TPD52L1: variants seen among roughly 807,000 people sequenced by gnomAD.
TPD52L1 encodes the protein TPD52 like 1, also known as tumor protein D53.
TPD52L1 carries 18 observed loss-of-function variants against 28.7 expected under a neutral mutation model. The ratio of observed to expected loss-of-function variants is 0.63; its 90% CI spans 0.43 to 0.93. The LOEUF (loss-of-function observed/expected upper bound fraction) is 0.93, where lower values mean the gene tolerates loss of function less well. Ranked by LOEUF, TPD52L1 falls within the 40% of genes least tolerant of loss-of-function variation. The pLI, the probability that TPD52L1 is intolerant of heterozygous loss-of-function variation, is 0.00. For missense variants in TPD52L1, 203 were observed against 254.8 expected, an observed-to-expected ratio of 0.80 and a Z score of 1.39; for synonymous variants, 75 against 88.8, an observed-to-expected ratio of 0.84 and a Z score of 0.88.
intron 1 of TPD52L1, among the ~76,000 whole-genome samples, chr6:125,159,873 T>C (rs554355864): frequency 6.6e-6 from 1 of 152,204 alleles, no homozygotes; most frequent in Non-Finnish European, 1.5e-5. Flanking sequence ...AAATCTCATC[T>C]TGAATTGTAG....
chr6:125,160,958 T>A (rs59258895), intron 1 of TPD52L1, among the ~76,000 whole-genome samples: 12,475 of 150,900 alleles, frequency 0.083, 558 homozygotes, highest in Middle Eastern at 0.11. Flanking sequence ...TTCAAGCAAA[T>A]TCTCCTGCCT....
At chr6:125,217,201 G>A (rs994513276) in intron 1 of TPD52L1, among the ~76,000 whole-genome samples, 4 of 152,052 alleles carry the variant, frequency 2.6e-5, no homozygotes, top group Non-Finnish European at 5.9e-5. Context: ...CTGGTTTCGT[G>A]GAAGATAATT....
chr6:125,250,081 G>A (rs2115040930), intron 4 of TPD52L1, among the ~76,000 whole-genome samples: 1 of 151,994 alleles, frequency 6.6e-6, no homozygotes, highest in Non-Finnish European at 1.5e-5. Context: ...TTTAAAATAG[G>A]AAACCCTCTA....
At chr6:125,197,140 C>A (rs569953501) in intron 1 of TPD52L1, among the ~76,000 whole-genome samples, 15 of 152,282 alleles carry the variant, frequency 9.9e-5, no homozygotes, top group Non-Finnish European at 1.5e-4. Flanking sequence ...TTTAGCCCAG[C>A]CTTCTTGCTT....
At chr6:125,253,910 C>T (rs774782241) in intron 5 of TPD52L1, 155 bp downstream of exon 5, 33 of 819,918 alleles carry the variant, frequency 4.0e-5, no homozygotes, top group Admixed American at 2.9e-4. Context: ...GGAAGAATTG[C>T]GTAGCTTGGG....
At chr6:125,221,055 C>T (rs1795197046) in intron 2 of TPD52L1, among the ~76,000 whole-genome samples, 1 of 152,166 alleles carries the variant, frequency 6.6e-6, no homozygotes, top group Non-Finnish European at 1.5e-5. Flanking sequence ...CTGAGCTCCA[C>T]CTTACCCTCT....
rs529726909 is a variant in TPD52L1, at chr6:125,214,741, C to A, written c.20-5337C>A. Among the ~76,000 whole-genome samples, 386 of 152,234 alleles carry A rather than the reference C, an allele frequency of 2.5e-3. 2 individuals carry two copies. Among genetic ancestry groups the A allele is most frequent in the Non-Finnish European group, 5.1e-3 (344 of 68,006 alleles). On this transcript the variant is annotated intron_variant, in intron 1 of 6. Coordinates refer to ENST00000534000, the MANE Select transcript of TPD52L1 (RefSeq NM_003287.4). ...GGAAAATATTACATTTTGGGAGAGG[C>A]AAAGAGAATACTTTTAAAAACTATT...
intron 1 of TPD52L1, among the ~76,000 whole-genome samples, chr6:125,206,288 ATAT>A (rs1169167802): frequency 6.6e-6 from 1 of 152,168 alleles, no homozygotes; most frequent in African/African-American, 2.4e-5. Context: ...GTAATAGGTA[ATAT>A]TATGTGTCTT....
intron 1 of TPD52L1, among the ~76,000 whole-genome samples, chr6:125,182,047 C>T (rs926935192): frequency 5.9e-5 from 9 of 152,172 alleles, no homozygotes; most frequent in African/African-American, 1.9e-4. Flanking sequence ...TAGGGAGGCA[C>T]AGATGTACTT....
chr6:125,173,866 G>A (rs1351446017), intron 1 of TPD52L1, among the ~76,000 whole-genome samples: 1 of 152,104 alleles, frequency 6.6e-6, no homozygotes, highest in Non-Finnish European at 1.5e-5. Context: ...AATCTGAGAT[G>A]ACTGTGGTCA....
chr6:125,260,686 TATC>T (rs1797861843), intron 6 of TPD52L1, among the ~76,000 whole-genome samples: 1 of 151,704 alleles, frequency 6.6e-6, no homozygotes. Context: ...GTGCCTGTAA[TATC>T]AGCTACTTGG....
intron 6 of TPD52L1, among the ~76,000 whole-genome samples, chr6:125,258,110 A>G (rs1797710671): frequency 1.3e-5 from 2 of 152,068 alleles, no homozygotes; most frequent in South Asian, 4.2e-4. Flanking sequence ...GTTATTCCTT[A>G]CTCGCGGTTC....
intron 1 of TPD52L1, among the ~76,000 whole-genome samples, chr6:125,156,596 G>A (rs1433900357): frequency 2.0e-5 from 3 of 151,724 alleles, no homozygotes; most frequent in Non-Finnish European, 4.4e-5. Flanking sequence ...ATGGTGAAAC[G>A]CTGTCTCCAC....
chr6:125,264,021 C>T lies in TPD52L1; in HGVS notation c.*1059C>T, dbSNP rs1798196829. The T allele has an allele frequency of 6.6e-6, 1 of 151,950 alleles. No homozygotes were observed. Among genetic ancestry groups the T allele is most frequent in the African/African-American group, 2.4e-5 (1 of 41,364 alleles). 9.4% of individuals were successfully genotyped at this position (151,950 alleles called of 1,614,324 possible). A position where few individuals can be genotyped will look rare whatever the true frequency, so the allele number is the denominator to read the frequency against. On this transcript the variant is annotated 3_prime_UTR_variant, in exon 7 of 7. Transcript: ENST00000534000. The stretch of plus-strand genomic sequence containing the variant: ...AGTAGTTAGTCAGATAAAGGATATC[C>T]AAAAAAGAGATAGCTAGAAAATGGG...
rs1797412022 is a variant in TPD52L1 at position 125,253,656 on chromosome 6, G to A, written c.387-61G>A. On this transcript the variant is annotated intron_variant, in intron 4 of 6. Transcript: ENST00000534000. ...GAACTACGAATAGGGAGTTTTTCATGTACTTATGTGTGCTCTCTTCTTTTT... is the reference window on the plus strand; with the variant it reads ...GAACTACGAATAGGGAGTTTTTCATATACTTATGTGTGCTCTCTTCTTTTT... 11 of 1,455,338 alleles carry A rather than the reference G, an allele frequency of 7.6e-6. No individual in the cohort carries two copies. In the South Asian group the frequency reaches 1.3e-4, roughly 17 times the overall value. The allele number at this position is 1,455,338 out of a possible 1,614,324, so 90.2% of individuals were successfully genotyped here. A position where few individuals can be genotyped will look rare whatever the true frequency, so the allele number is the denominator to read the frequency against.
chr6:125,215,136 T>A (rs552553155), intron 1 of TPD52L1, among the ~76,000 whole-genome samples: 23 of 152,224 alleles, frequency 1.5e-4, no homozygotes, highest in Non-Finnish European at 2.9e-4. Flanking sequence ...TTTTTTTAAC[T>A]TTTTCTAATA....
At chr6:125,194,617 C>T (rs1366410454) in intron 1 of TPD52L1, among the ~76,000 whole-genome samples, 1 of 152,160 alleles carries the variant, frequency 6.6e-6, no homozygotes, top group African/African-American at 2.4e-5. Context: ...AATGATCTTC[C>T]ATATAAGATG....
chr6:125,172,544 A>ACACACACACATACATATACACAC (rs1562214780), intron 1 of TPD52L1, among the ~76,000 whole-genome samples: 1 of 97,168 alleles, frequency 1.0e-5, no homozygotes, highest in East Asian at 3.3e-4. Flanking sequence ...ATATATATAT[A>ACACACACACATACATATACACAC]TATATATAAT....
intron 1 of TPD52L1, among the ~76,000 whole-genome samples, chr6:125,214,662 GT>G (rs1794742061): frequency 6.6e-6 from 1 of 152,056 alleles, no homozygotes; most frequent in South Asian, 2.1e-4. Flanking sequence ...TTTTCTTTGT[GT>G]TTCTTTAACT....
Sources: allele counts gnomAD v4.1 joint callset (sites outside exome capture counted in the v4.1 genomes callset), GRCh38; gene constraint gnomAD v4.1.1; transcripts MANE v1.5; gene names NCBI Gene and HGNC (gene_info 2026-07-23, HGNC 2026-07-21).